Variants in SELENOF observed in about 807,000 individuals in gnomAD.
SELENOF encodes selenoprotein F.
SELENOF carries 16 observed loss-of-function variants against 20.5 expected under a neutral mutation model. The observed-to-expected ratio is 0.78, with a 90% CI of 0.53 to 1.19. The LOEUF is 1.19. Among genes scored for constraint, SELENOF ranks in the 50% most tolerant of loss-of-function variants. The pLI is 0.00. For synonymous variants in SELENOF, 78 were observed against 74.5 expected, an observed-to-expected ratio of 1.05 and a Z score of -0.24; for missense variants, 215 against 194.2, an observed-to-expected ratio of 1.11 and a Z score of -0.64.
rs773493245 is a variant in SELENOF at position 86,868,097 on chromosome 1, C to A, written c.322G>T (p.Val108Phe). ...AACAGTTTGGGTTTATCACTCCTAA[C>A]AAAAGCTTATAAAAAAAGAAAAAAA... Reference protein sequence around the residue: ...LGRFPQVQAFVRSDKPKLFRG... With the variant: ...LGRFPQVQAFFRSDKPKLFRG... Residue 108 changes from valine (V) to phenylalanine (F), a missense_variant, in exon 4 of 5, where the codon GTT (valine) becomes TTT (phenylalanine). Val to Phe is a conservative substitution (Grantham distance 50). Coordinates refer to ENST00000331835, the MANE Select transcript of SELENOF (RefSeq NM_004261.5). 2.0e-6 allele frequency: 3 copies of A among 1,499,384 alleles called. No individual in the cohort carries two copies. Among genetic ancestry groups the A allele is most frequent in the Non-Finnish European group, 1.8e-6 (2 of 1,102,924 alleles). The allele number at this position is 1,499,384 out of a possible 1,614,324, so 92.9% of individuals were successfully genotyped here.
intron 1 of SELENOF, among the ~76,000 whole-genome samples, chr1:86,909,266 C>T (rs977769360): frequency 6.6e-6 from 1 of 152,172 alleles, no homozygotes; most frequent in Non-Finnish European, 1.5e-5. Flanking sequence ...TATCTATACT[C>T]CTTTTCATTT....
chr1:86,895,719 G>A (rs1433005285), intron 2 of SELENOF, among the ~76,000 whole-genome samples: 2 of 152,106 alleles, frequency 1.3e-5, no homozygotes, highest in East Asian at 3.9e-4. Context: ...ACACAGATAA[G>A]CAATTCAGCT....
chr1:86,874,959 C>T (rs948493138), intron 3 of SELENOF, among the ~76,000 whole-genome samples: 2 of 152,184 alleles, frequency 1.3e-5, no homozygotes, highest in African/African-American at 4.8e-5. Context: ...ATTGGCTGGG[C>T]ATGGTGGCTC....
At chr1:86,914,178 C>G, upstream of SELENOF, 1 of 1,376,108 alleles carries the variant, frequency 7.3e-7, no homozygotes, top group Non-Finnish European at 1.0e-6. Context: ...GAGCCTGATC[C>G]AAAACAGAAC....
At chr1:86,877,554 C>A (rs945349527) in intron 3 of SELENOF, among the ~76,000 whole-genome samples, 1 of 152,080 alleles carries the variant, frequency 6.6e-6, no homozygotes, top group Non-Finnish European at 1.5e-5. Flanking sequence ...TTCATATATA[C>A]CTTATACATA....
chr1:86,887,831 G>T (rs1198877518), intron 2 of SELENOF, among the ~76,000 whole-genome samples: 1 of 152,032 alleles, frequency 6.6e-6, no homozygotes, highest in Non-Finnish European at 1.5e-5. Flanking sequence ...ATGATCCAGG[G>T]TCATCACTTG....
chr1:86,865,229 C>A (rs1001903802), intron 4 of SELENOF, among the ~76,000 whole-genome samples: 1 of 151,748 alleles, frequency 6.6e-6, no homozygotes, highest in Admixed American at 6.6e-5. Context: ...AACAAACAAA[C>A]AAACAAACAA....
chr1:86,891,450 G>C (rs1375542413), intron 2 of SELENOF, among the ~76,000 whole-genome samples: 1 of 152,092 alleles, frequency 6.6e-6, no homozygotes, highest in African/African-American at 2.4e-5. Flanking sequence ...AGTTTATTTT[G>C]ATTCTGAGGT....
At chr1:86,914,211 T>C, upstream of SELENOF, 4 of 1,023,532 alleles carry the variant, frequency 3.9e-6, no homozygotes, top group Non-Finnish European at 6.2e-6. Flanking sequence ...TGCCCTTACA[T>C]CTCTCATTTG....
At chr1:86,903,221 A>G in intron 2 of SELENOF, 60 bp downstream of exon 2, 1 of 1,444,392 alleles carries the variant, frequency 6.9e-7, no homozygotes, top group South Asian at 1.3e-5. Flanking sequence ...TAAGCAACTT[A>G]CATTTTTACC....
Position 86,893,004 on chromosome 1 carries a change from GCA to G in SELENOF, c.252+10275_252+10276del, listed in dbSNP as rs543249974. On this transcript the variant is annotated intron_variant, in intron 2 of 4. Coordinates refer to ENST00000331835, the MANE Select transcript of SELENOF (RefSeq NM_004261.5). ...CATTTTCAAAATAAAAGGTAAAATA[GCA>G]CAGAGGTTTAAAAACCTGGGGGCTC... 1.4e-3 allele frequency among the ~76,000 whole-genome samples: 220 copies of G among 152,268 alleles called. 1 individual carries two copies. Among genetic ancestry groups the G allele is most frequent in the African/African-American group, 5.0e-3 (209 of 41,540 alleles).
chr1:86,888,658 G>T (rs1357118736), intron 2 of SELENOF, among the ~76,000 whole-genome samples: 2 of 152,190 alleles, frequency 1.3e-5, no homozygotes, highest in Non-Finnish European at 2.9e-5. Context: ...GAATAGTTAT[G>T]ATCAACATAT....
intron 2 of SELENOF, among the ~76,000 whole-genome samples, chr1:86,901,990 A>C (rs1284834665): frequency 6.6e-6 from 1 of 152,158 alleles, no homozygotes; most frequent in Non-Finnish European, 1.5e-5. Context: ...ATGTTGGTTG[A>C]GTAGTAGTAC....
At chr1:86,872,084 T>A (rs560861028) in intron 3 of SELENOF, among the ~76,000 whole-genome samples, 74 of 152,354 alleles carry the variant, frequency 4.9e-4, no homozygotes, top group African/African-American at 1.8e-3. Flanking sequence ...TTTTTGTATT[T>A]TTAAATGATT....
At chr1:86,877,621 A>G (rs1008398769) in intron 3 of SELENOF, among the ~76,000 whole-genome samples, 1 of 152,198 alleles carries the variant, frequency 6.6e-6, no homozygotes, top group African/African-American at 2.4e-5. Flanking sequence ...GGAGCATTCT[A>G]GATTTAAGAT....
At chr1:86,893,192 T>C (rs1317642062) in intron 2 of SELENOF, among the ~76,000 whole-genome samples, 1 of 152,186 alleles carries the variant, frequency 6.6e-6, no homozygotes, top group Admixed American at 6.5e-5. Flanking sequence ...GGTAAAACAC[T>C]TAGCGTATAA....
At chr1:86,869,055 A>G (rs1463155189) in intron 3 of SELENOF, among the ~76,000 whole-genome samples, 1 of 152,216 alleles carries the variant, frequency 6.6e-6, no homozygotes, top group African/African-American at 2.4e-5. Flanking sequence ...TGAGGTACTC[A>G]CATTCGGAAT....
At chr1:86,873,453 G>A (rs1658837299) in intron 3 of SELENOF, among the ~76,000 whole-genome samples, 1 of 152,188 alleles carries the variant, frequency 6.6e-6, no homozygotes, top group African/African-American at 2.4e-5. Flanking sequence ...AACTTTCTGA[G>A]ATAAAGGAAA....
intron 1 of SELENOF, among the ~76,000 whole-genome samples, chr1:86,912,218 A>G (rs1049293226): frequency 2.0e-5 from 3 of 152,214 alleles, no homozygotes; most frequent in Non-Finnish European, 4.4e-5. Flanking sequence ...GTGATTAACA[A>G]TAAGTGGATG....
Sources: gnomAD v4.1 joint callset for allele counts (sites outside exome capture counted in the v4.1 genomes callset) on GRCh38, gnomAD v4.1.1 for gene constraint, MANE v1.5 for transcripts, NCBI Gene and HGNC (gene_info 2026-07-23, HGNC 2026-07-21) for gene names.